SLC4A10: variants seen among roughly 807,000 people sequenced by gnomAD.
SLC4A10 encodes the protein sodium-driven chloride bicarbonate exchanger.
Under a neutral mutation model 137.7 loss-of-function variants are expected in SLC4A10, and 42 were observed. The ratio of observed to expected loss-of-function variants is 0.30; its 90% confidence interval spans 0.24 to 0.39. The LOEUF (loss-of-function observed/expected upper bound fraction) is 0.39, where lower values mean the gene tolerates loss of function less well. Ranked by LOEUF, SLC4A10 falls within the 10% of genes least tolerant of loss-of-function variation. The pLI is 1.00. For missense variants in SLC4A10, 925 were observed against 1,355.0 expected, an observed-to-expected ratio of 0.68 and a Z score of 4.98; for synonymous variants, 474 against 464.1, an observed-to-expected ratio of 1.02 and a Z score of -0.27.
intron 1 of SLC4A10, among the ~76,000 whole-genome samples, chr2:161,763,519 A>G (rs1037535062): frequency 2.0e-5 from 3 of 152,154 alleles, no homozygotes; most frequent in Admixed American, 1.3e-4. Context: ...ACCTGCAACA[A>G]CAGGAATCTA....
At chr2:161,968,957 G>C (rs1341351514) in intron 23 of SLC4A10, among the ~76,000 whole-genome samples, 1 of 152,140 alleles carries the variant, frequency 6.6e-6, no homozygotes, top group Non-Finnish European at 1.5e-5. Flanking sequence ...TTATACTAAG[G>C]CCCAGTCTTC....
chr2:161,863,449 T>C (rs144463735), intron 6 of SLC4A10, among the ~76,000 whole-genome samples: 215 of 152,300 alleles, frequency 1.4e-3, no homozygotes, highest in Non-Finnish European at 2.1e-3. Flanking sequence ...TTTAAAGGAA[T>C]CATGATCATC....
intron 19 of SLC4A10, among the ~76,000 whole-genome samples, chr2:161,955,606 T>C (rs539141923): frequency 7.2e-5 from 11 of 152,244 alleles, no homozygotes; most frequent in East Asian, 1.9e-4. Flanking sequence ...ACTTTTATAA[T>C]TTGGAAAGGA....
chr2:161,648,124 A>T (rs1242800332), intron 1 of SLC4A10, among the ~76,000 whole-genome samples: 1 of 152,192 alleles, frequency 6.6e-6, no homozygotes, highest in Non-Finnish European at 1.5e-5. Flanking sequence ...CAGTTGGGCT[A>T]ATTTAACTGT....
intron 1 of SLC4A10, among the ~76,000 whole-genome samples, chr2:161,689,218 C>T (rs947787648): frequency 2.6e-5 from 4 of 152,046 alleles, no homozygotes; most frequent in East Asian, 3.9e-4. Context: ...CTAAGTGTAT[C>T]GTACGGTGTT....
At chr2:161,657,640 G>C (rs573607678) in intron 1 of SLC4A10, among the ~76,000 whole-genome samples, 2 of 151,968 alleles carry the variant, frequency 1.3e-5, no homozygotes, top group Admixed American at 1.3e-4. Flanking sequence ...ATGATACAAT[G>C]ATGGGTCTTT....
chr2:161,688,187 T>C (rs1470614969), intron 1 of SLC4A10, among the ~76,000 whole-genome samples: 2 of 152,186 alleles, frequency 1.3e-5, no homozygotes, highest in East Asian at 1.9e-4. Context: ...AGTAAAAGTG[T>C]TACCAATGAA....
intron 1 of SLC4A10, among the ~76,000 whole-genome samples, chr2:161,659,651 T>G (rs1322171130): frequency 6.6e-6 from 1 of 151,632 alleles, no homozygotes; most frequent in Non-Finnish European, 1.5e-5. Context: ...AAATAAAAAA[T>G]AAACAAAAAA....
intron 10 of SLC4A10, among the ~76,000 whole-genome samples, chr2:161,889,634 T>C (rs2062703182): frequency 1.3e-5 from 2 of 152,166 alleles, no homozygotes; most frequent in Admixed American, 1.3e-4. Flanking sequence ...TGATCTCCCC[T>C]TTATCATTTT....
rs529573902 is a variant in SLC4A10, at chr2:161,882,457, G to A, written c.1194+13G>A. The A allele has an allele frequency of 7.1e-6, 11 of 1,544,130 alleles. No individual in the cohort carries two copies. Among genetic ancestry groups the A allele is most frequent in the Non-Finnish European group, 9.6e-6 (11 of 1,141,568 alleles). ...AATGACAGATGAGGTATTTATTCAA[G>A]TTCTTTGGGAACATTTTCCCCCATT... On this transcript the variant is annotated intron_variant, in intron 10 of 26. Coordinates refer to ENST00000446997, the MANE Select transcript of SLC4A10 (RefSeq NM_001178015.2).
chr2:161,883,989 TG>T (rs1406219882), intron 10 of SLC4A10, among the ~76,000 whole-genome samples: 1 of 152,140 alleles, frequency 6.6e-6, no homozygotes, highest in Non-Finnish European at 1.5e-5. Context: ...ATGTGTATTT[TG>T]GGAGGAAATT....
At chr2:161,727,488 G>A (rs532933506) in intron 1 of SLC4A10, among the ~76,000 whole-genome samples, 2 of 152,124 alleles carry the variant, frequency 1.3e-5, no homozygotes, top group Non-Finnish European at 2.9e-5. Context: ...TTAGGAAAAA[G>A]AAATATTTTG....
chr2:161,861,458 A>G (rs1020845519), intron 5 of SLC4A10, among the ~76,000 whole-genome samples: 1 of 152,040 alleles, frequency 6.6e-6, no homozygotes, highest in South Asian at 2.1e-4. Flanking sequence ...ACAAAATCAC[A>G]GAGAAGCAGA....
In SLC4A10 at chr2:161,683,084, G is replaced by A. The variant is rs528375287; in HGVS notation, c.48+58518G>A. ...TAGCCTCATTGAGATTCAGGTGAGG[G>A]GACTGACTATGGAAGAGTGTGAATA... On this transcript the variant is annotated intron_variant, in intron 1 of 26. Transcript: ENST00000446997. Among the ~76,000 whole-genome samples, 36 of 152,182 alleles carry A rather than the reference G, an allele frequency of 2.4e-4. 2 individuals are homozygous for A. In the South Asian group the frequency reaches 7.5e-3, roughly 32 times the overall value.
intron 2 of SLC4A10, among the ~76,000 whole-genome samples, chr2:161,802,443 A>C (rs2055473984): frequency 6.6e-6 from 1 of 152,122 alleles, no homozygotes; most frequent in African/African-American, 2.4e-5. Flanking sequence ...CCACTAAAGT[A>C]GGCAAATTTA....
intron 1 of SLC4A10, among the ~76,000 whole-genome samples, chr2:161,686,439 C>T: frequency 6.6e-6 from 1 of 152,012 alleles, no homozygotes; most frequent in East Asian, 1.9e-4. Flanking sequence ...GAATAAAGGG[C>T]AGGACATTAT....
intron 25 of SLC4A10, chr2:161,977,350 C>A: frequency 2.2e-6 from 1 of 459,676 alleles, no homozygotes; most frequent in Middle Eastern, 3.2e-4. Context: ...ACTTCTTATC[C>A]CAAAACTTTC....
At position 161,976,787 on chromosome 2, in the gene SLC4A10, T is replaced by C; in HGVS notation, c.3255T>C (p.Ser1085=). Residue 1085 remains serine, a synonymous_variant, in exon 25 of 27, where the codon TCT becomes TCC. Coordinates refer to ENST00000446997, the MANE Select transcript of SLC4A10 (RefSeq NM_001178015.2). ...ATGATCCATCTGTGATCAATATATC[T>C]GATGAAATGTCAAAGACTGCCTTGT... ...YRDDPSVINI[S]DEMSKTALWR... is the part of the protein sequence containing the mutation. 6.3e-7 allele frequency: 1 copy of C among 1,598,888 alleles called. No individual in the cohort carries two copies. Among genetic ancestry groups the C allele is most frequent in the Non-Finnish European group, 8.5e-7 (1 of 1,172,064 alleles).
At chr2:161,890,327 A>G (rs999256773) in intron 10 of SLC4A10, among the ~76,000 whole-genome samples, 2 of 152,106 alleles carry the variant, frequency 1.3e-5, no homozygotes, top group African/African-American at 4.8e-5. Flanking sequence ...AGCTGAGTTC[A>G]AGTCCTGAAT....
Sources: allele counts gnomAD v4.1 joint callset (sites outside exome capture counted in the v4.1 genomes callset), GRCh38; gene constraint gnomAD v4.1.1; transcripts MANE v1.5; gene names NCBI Gene and HGNC (gene_info 2026-07-23, HGNC 2026-07-21).